The following PPP1R9A variants were observed in gnomAD, a reference collection of about 807,000 sequenced individuals.
The protein encoded by PPP1R9A is neurabin-1.
A neutral mutation model predicts 141.9 loss-of-function variants in PPP1R9A; 59 were observed. The ratio of observed to expected loss-of-function variants is 0.42; its 90% confidence interval spans 0.34 to 0.52. The LOEUF (loss-of-function observed/expected upper bound fraction) is 0.52. PPP1R9A is among the 20% of genes least tolerant of loss of function. The pLI, the probability that PPP1R9A is intolerant of heterozygous loss-of-function variation, is 0.10. For synonymous variants in PPP1R9A, 500 were observed against 569.7 expected (o/e 0.88, Z 1.74); for missense variants, 1,444 against 1,611.9 (o/e 0.90, Z 1.78).
rs145268046 is a variant in PPP1R9A at position 95,184,290 on chromosome 7, G to C, written c.1755-14059G>C. ...GATCTTGTGACCCATAGTTCACGAG[G>C]GTATTCCAATATTCAAGTATAAGTT... On this transcript the variant is annotated intron_variant, in intron 5 of 19. Coordinates refer to ENST00000433360, the MANE Select transcript of PPP1R9A (RefSeq NM_001166160.2). Among the ~76,000 whole-genome samples, 300 of 151,984 alleles carry C rather than the reference G, an allele frequency of 2.0e-3. 2 individuals are homozygous for C. The highest frequency in any genetic ancestry group is 7.0e-3 in the African/African-American group (289 of 41,456).
intron 2 of PPP1R9A, among the ~76,000 whole-genome samples, chr7:94,948,689 A>G (rs1563032794): frequency 6.6e-6 from 1 of 152,158 alleles, no homozygotes; most frequent in Admixed American, 6.6e-5. Flanking sequence ...GAAGTAAGTA[A>G]AATCCATCTT....
At position 94,987,426 on chromosome 7, in the gene PPP1R9A, G is replaced by A. The variant is rs541741458; in HGVS notation, c.1395+75918G>A. On this transcript the variant is annotated intron_variant, in intron 2 of 19. Coordinates refer to ENST00000433360, the MANE Select transcript of PPP1R9A (RefSeq NM_001166160.2). ...TACTCCTTTTGCATCAAGTGTGATAGTAGGAGAGGAGGTATTTCTTCCAGT... is the reference window on the plus strand; with the variant it reads ...TACTCCTTTTGCATCAAGTGTGATAATAGGAGAGGAGGTATTTCTTCCAGT... Among the ~76,000 whole-genome samples the A allele has an allele frequency of 2.6e-5, 4 of 152,326 alleles. 1 individual carries two copies. The highest frequency in any genetic ancestry group is 9.6e-5 in the African/African-American group (4 of 41,584).
At position 94,911,201 on chromosome 7, in the gene PPP1R9A, A is replaced by G; in HGVS notation, c.1088A>G (p.Glu363Gly). 2 of 1,614,216 alleles carry G rather than the reference A, an allele frequency of 1.2e-6. 1 individual carries two copies. The highest frequency in any genetic ancestry group is 2.2e-5 in the South Asian group (2 of 91,078). The change falls in exon 2 of 20, where the codon GAA (glutamate) becomes GGA (glycine). Residue 363 changes from glutamate (E) to glycine (G), a missense_variant. Glu to Gly is a moderately conservative substitution (Grantham distance 98). Coordinates refer to ENST00000433360, the MANE Select transcript of PPP1R9A (RefSeq NM_001166160.2). ...GREAAKQQRKELAGGDFTSPD... is the reference protein window; with the variant it reads ...GREAAKQQRKGLAGGDFTSPD... ...GAGGCAGCAAAGCAACAGAGGAAAG[A>G]ACTTGCAGGTGGTGATTTCACCTCT... is the stretch of plus-strand genomic sequence containing the variant.
At chr7:95,005,676 A>G (rs1215106116) in intron 2 of PPP1R9A, among the ~76,000 whole-genome samples, 1 of 152,176 alleles carries the variant, frequency 6.6e-6, no homozygotes, top group African/African-American at 2.4e-5. Flanking sequence ...GATATATACT[A>G]GCATCTGGTT....
At chr7:94,982,233 A>G (rs1300483737) in intron 2 of PPP1R9A, among the ~76,000 whole-genome samples, 1 of 152,166 alleles carries the variant, frequency 6.6e-6, no homozygotes, top group Non-Finnish European at 1.5e-5. Context: ...ATTGATGGAC[A>G]TTTGGGTTGG....
chr7:95,079,158 A>G (rs1162458233), intron 2 of PPP1R9A, among the ~76,000 whole-genome samples: 2 of 152,284 alleles, frequency 1.3e-5, no homozygotes, highest in East Asian at 1.9e-4. Flanking sequence ...TAATTTTTGT[A>G]TAAGGTGTAA....
In PPP1R9A at chr7:95,290,333, C is replaced by T. The variant is rs777108459; in HGVS notation, c.*30C>T. On this transcript the variant is annotated 3_prime_UTR_variant, in exon 20 of 20. Coordinates refer to ENST00000433360, the MANE Select transcript of PPP1R9A (RefSeq NM_001166160.2). Reference sequence around the variant, plus strand: ...TACCCTCTTACAGATGATGGAGATGCTCCAAGAGAAGTCCCCACCTCTTCC... The same window carrying T: ...TACCCTCTTACAGATGATGGAGATGTTCCAAGAGAAGTCCCCACCTCTTCC... 8 of 1,581,202 alleles carry T rather than the reference C, an allele frequency of 5.1e-6. No individual in the cohort carries two copies. The highest frequency in any genetic ancestry group is 2.3e-5 in the South Asian group (2 of 87,052).
chr7:95,078,169 C>T (rs541389944), intron 2 of PPP1R9A, among the ~76,000 whole-genome samples: 50 of 136,926 alleles, frequency 3.7e-4, no homozygotes, highest in Admixed American at 1.1e-3. Context: ...TGTGATGTTC[C>T]CCTTCCTGTG....
At chr7:94,918,163 C>CT (rs1232376393) in intron 2 of PPP1R9A, among the ~76,000 whole-genome samples, 3 of 152,122 alleles carry the variant, frequency 2.0e-5, no homozygotes, top group Admixed American at 1.3e-4. Flanking sequence ...AGGAAGAAAA[C>CT]TTTTCAAGTT....
At chr7:95,072,846 TATAATATA>T (rs1814151303) in intron 2 of PPP1R9A, among the ~76,000 whole-genome samples, 1 of 101,180 alleles carries the variant, frequency 9.9e-6, no homozygotes, top group East Asian at 2.4e-4. Context: ...AATTATTATA[TATAATATA>T]AGTTATATAA....
intron 2 of PPP1R9A, among the ~76,000 whole-genome samples, chr7:94,932,346 G>A (rs1794259299): frequency 6.6e-6 from 1 of 152,136 alleles, no homozygotes; most frequent in African/African-American, 2.4e-5. Context: ...ATAAGTGCTG[G>A]TTTAGATGAT....
At chr7:95,241,502 G>T (rs184270898) in intron 8 of PPP1R9A, among the ~76,000 whole-genome samples, 17 of 152,144 alleles carry the variant, frequency 1.1e-4, no homozygotes, top group Admixed American at 9.2e-4. Flanking sequence ...TTTAGTTGTG[G>T]TGTTCATTTT....
At chr7:95,214,518 C>CT (rs200734147) in intron 7 of PPP1R9A, among the ~76,000 whole-genome samples, 58 of 151,392 alleles carry the variant, frequency 3.8e-4, no homozygotes, top group African/African-American at 6.1e-4. Flanking sequence ...AAATCACAGT[C>CT]TTTTTTTTTC....
At chr7:95,205,821 C>T (rs1338619589) in intron 7 of PPP1R9A, among the ~76,000 whole-genome samples, 1 of 152,134 alleles carries the variant, frequency 6.6e-6, no homozygotes, top group Admixed American at 6.5e-5. Context: ...CATAAATTCC[C>T]CCCATTAGCC....
intron 16 of PPP1R9A, among the ~76,000 whole-genome samples, chr7:95,278,335 A>G (rs987911751): frequency 1.3e-5 from 2 of 152,226 alleles, no homozygotes; most frequent in African/African-American, 2.4e-5. Flanking sequence ...CAAAAAGAAC[A>G]TAAAATATCT....
At chr7:94,908,192 A>C (rs1226183485) in intron 1 of PPP1R9A, 1 of 149,530 alleles carries the variant, frequency 6.7e-6, no homozygotes, top group Non-Finnish European at 1.5e-5. Context: ...GGAGAGGAGG[A>C]AAAAATCGGC....
chr7:94,984,255 G>C (rs1210613098), intron 2 of PPP1R9A, among the ~76,000 whole-genome samples: 1 of 151,996 alleles, frequency 6.6e-6, no homozygotes, highest in Admixed American at 6.6e-5. Flanking sequence ...GAGGATTTTT[G>C]CATCAATGTT....
At chr7:95,265,823 A>G (rs1801203982) in intron 12 of PPP1R9A, among the ~76,000 whole-genome samples, 2 of 152,152 alleles carry the variant, frequency 1.3e-5, no homozygotes, top group African/African-American at 4.8e-5. Context: ...ACTGCATACA[A>G]TGTGTTGTTG....
intron 4 of PPP1R9A, among the ~76,000 whole-genome samples, chr7:95,143,081 C>T (rs1826986144): frequency 6.6e-6 from 1 of 151,966 alleles, no homozygotes; most frequent in Non-Finnish European, 1.5e-5. Context: ...GAGTCCTGGC[C>T]CTCTTTGTTG....
Sources: allele counts gnomAD v4.1 joint callset (sites outside exome capture counted in the v4.1 genomes callset), GRCh38; gene constraint gnomAD v4.1.1; transcripts MANE v1.5; gene names NCBI Gene and HGNC (gene_info 2026-07-23, HGNC 2026-07-21).